ERAP1: variants seen among roughly 807,000 people sequenced by gnomAD.
ERAP1 encodes the protein adipocyte-derived leucine aminopeptidase.
ERAP1 carries 86 observed loss-of-function variants against 103.7 expected under a neutral mutation model. The observed-to-expected ratio is 0.83, with a 90% CI of 0.70 to 0.99. The LOEUF is 0.99. Among genes scored for constraint, ERAP1 ranks in the 50% least tolerant of loss-of-function variants. The probability of loss-of-function intolerance (pLI) is 0.00; values close to 1 mark genes in which losing one functional copy is unlikely to be tolerated. For synonymous variants in ERAP1, 398 were observed against 402.4 expected, an observed-to-expected ratio of 0.99 and a Z score of 0.13; for missense variants, 1,009 against 1,128.4, an observed-to-expected ratio of 0.89 and a Z score of 1.52.
At chr5:96,909,942 A>G in the ERAP1 span, 1 of 576,856 alleles carries the variant, frequency 1.7e-6, no homozygotes, top group Admixed American at 3.1e-5. Context: ...GACTAGTACA[A>G]TCTCTACCAT....
chr5:96,807,648 C>T (rs1391231626), intron 1 of ERAP1, among the ~76,000 whole-genome samples: 2 of 152,172 alleles, frequency 1.3e-5, no homozygotes, highest in East Asian at 3.9e-4. Context: ...CGACTCCCCC[C>T]GCCCTTCCCG....
chr5:96,933,209 G>GTTT, the ERAP1 span, among the ~76,000 whole-genome samples: 6 of 129,524 alleles, frequency 4.6e-5, no homozygotes, highest in Admixed American at 8.0e-5. Context: ...ACAAAACCAC[G>GTTT]TCTTTTTTTT....
chr5:96,900,175 A>T, the ERAP1 span: 1 of 1,613,874 alleles, frequency 6.2e-7, no homozygotes, highest in South Asian at 1.1e-5. Flanking sequence ...GGATCCCAAG[A>T]TGACAAGTAA....
chr5:96,847,266 A>G, the ERAP1 span, among the ~76,000 whole-genome samples: 3 of 150,278 alleles, frequency 2.0e-5, no homozygotes, highest in African/African-American at 7.3e-5. Flanking sequence ...AAAAAAAAAA[A>G]GTTGAGTACA....
chr5:96,879,227 C>T, the ERAP1 span, among the ~76,000 whole-genome samples: 432 of 152,238 alleles, frequency 2.8e-3, 1 homozygote, highest in African/African-American at 8.3e-3. Context: ...CTGTCTAAAA[C>T]ATAAATAAAT....
the ERAP1 span, chr5:96,915,611 A>G: frequency 1.3e-6 from 1 of 766,766 alleles, no homozygotes; most frequent in African/African-American, 1.8e-5. Flanking sequence ...AATATACATT[A>G]AAAATATAAT....
chr5:96,761,648 T>C (rs1303914154), exon 20 of ERAP1: 3 of 152,278 alleles, frequency 2.0e-5, no homozygotes, highest in Non-Finnish European at 4.4e-5. Flanking sequence ...AAAGGGAGTA[T>C]TTGAAATGAA....
At chr5:96,860,947 G>C in the ERAP1 span, among the ~76,000 whole-genome samples, 1 of 151,758 alleles carries the variant, frequency 6.6e-6, no homozygotes, top group African/African-American at 2.4e-5. Context: ...TCTTCATGTA[G>C]AGCTTTCTTT....
At chr5:96,837,499 T>A in the ERAP1 span, among the ~76,000 whole-genome samples, 1 of 152,202 alleles carries the variant, frequency 6.6e-6, no homozygotes, top group Admixed American at 6.5e-5. Flanking sequence ...ACCCACTGCG[T>A]TCTACCCCTC....
the ERAP1 span, among the ~76,000 whole-genome samples, chr5:96,916,240 AC>A: frequency 1.3e-4 from 15 of 115,588 alleles, no homozygotes; most frequent in South Asian, 8.2e-4. Flanking sequence ...AAAAACAAAA[AC>A]AAAAACAAAA....
the ERAP1 span, chr5:96,934,699 A>C: frequency 2.0e-5 from 3 of 152,228 alleles, no homozygotes; most frequent in Admixed American, 6.5e-5. Flanking sequence ...TGGTCAAACA[A>C]CACCCTGGCC....
At chr5:96,797,338 G>T in intron 3 of ERAP1, 29 bp from the exon 4 acceptor site, 9 of 1,610,500 alleles carry the variant, frequency 5.6e-6, no homozygotes, top group Non-Finnish European at 7.6e-6. Flanking sequence ...AAATTATCAA[G>T]TAATCCAATT....
exon 20 of ERAP1, chr5:96,763,011 A>G: frequency 1.5e-6 from 1 of 669,590 alleles, no homozygotes; most frequent in Non-Finnish European, 2.7e-6. Context: ...TACATTACCA[A>G]GGAGACCACA....
the ERAP1 span, among the ~76,000 whole-genome samples, chr5:96,858,676 G>C: frequency 1.3e-5 from 2 of 152,162 alleles, no homozygotes; most frequent in Non-Finnish European, 2.9e-5. Context: ...TAGAGTGCAT[G>C]ACAATGCCCT....
chr5:96,781,872 C>T lies in ERAP1; in HGVS notation c.2286-18G>A. The T allele has an allele frequency of 6.2e-7, 1 of 1,612,986 alleles. No homozygotes were observed. The highest frequency in any genetic ancestry group is 8.5e-7 in the Non-Finnish European group (1 of 1,179,856). ...CAGGCAGGCTATAGAAAGGAACACA[C>T]TCGGTGAGAATCTGAGGTGCAGTAA... is the stretch of plus-strand genomic sequence containing the variant. On this transcript the variant is annotated intron_variant, in intron 15 of 18. Coordinates refer to ENST00000443439, the MANE Select transcript of ERAP1 (RefSeq NM_001040458.3).
At chr5:96,898,760 C>G in the ERAP1 span, among the ~76,000 whole-genome samples, 1 of 151,726 alleles carries the variant, frequency 6.6e-6, no homozygotes, top group Middle Eastern at 3.2e-3. Context: ...AACAAACAAA[C>G]AAACAAAAAA....
the ERAP1 span, among the ~76,000 whole-genome samples, chr5:96,874,464 C>A: frequency 2.0e-5 from 3 of 152,220 alleles, no homozygotes; most frequent in Non-Finnish European, 2.9e-5. Context: ...CCTCTTCTAC[C>A]TGCCCCCACG....
chr5:96,855,996 C>G, the ERAP1 span, among the ~76,000 whole-genome samples: 1 of 151,956 alleles, frequency 6.6e-6, no homozygotes, highest in African/African-American at 2.4e-5. Flanking sequence ...CTCTTTTAGT[C>G]ACATGCAATA....
intron 19 of ERAP1, chr5:96,765,922 T>G: frequency 1.7e-6 from 1 of 597,504 alleles, no homozygotes; most frequent in Non-Finnish European, 3.0e-6. Flanking sequence ...TTCTGTTGCT[T>G]AAAAAATAAA....
Sources: allele counts gnomAD v4.1 joint callset (sites outside exome capture counted in the v4.1 genomes callset), GRCh38; gene constraint gnomAD v4.1.1; transcripts MANE v1.5; gene names NCBI Gene and HGNC (gene_info 2026-07-23, HGNC 2026-07-21).